PARVG: variants seen among roughly 807,000 people sequenced by gnomAD.
The protein encoded by PARVG is gamma-parvin.
PARVG carries 36 observed loss-of-function variants against 44.4 expected under a neutral mutation model. The observed-to-expected ratio is 0.81, with a 90% CI of 0.62 to 1.07. The LOEUF (loss-of-function observed/expected upper bound fraction) is 1.07. Ranked by LOEUF, PARVG falls within the 50% of genes least tolerant of loss-of-function variation. The pLI is 0.00. For missense variants in PARVG, 407 were observed against 407.4 expected (o/e 1.00, Z 0.01); for synonymous variants, 170 against 174.1 (o/e 0.98, Z 0.19).
chr22:44,183,628 A>G, intron 3 of PARVG: 1 of 511,412 alleles, frequency 2.0e-6, no homozygotes, highest in Non-Finnish European at 3.4e-6. Context: ...GACGGTGTGG[A>G]TTACGATGGT....
At chr22:44,177,469 G>C (rs1172655779), upstream of PARVG, among the ~76,000 whole-genome samples, 2 of 152,192 alleles carry the variant, frequency 1.3e-5, 1 homozygote, top group East Asian at 3.8e-4. Flanking sequence ...ACAAGGCATT[G>C]AATGAGTTGT....
intron 13 of PARVG, 35 bp downstream of exon 13, chr22:44,205,864 C>A: frequency 1.2e-6 from 2 of 1,605,108 alleles, no homozygotes; most frequent in East Asian, 2.2e-5. Context: ...CGGTGGCCAG[C>A]CCTGGGTGGC....
chr22:44,204,004 C>A (rs2054745819), intron 12 of PARVG, among the ~76,000 whole-genome samples: 1 of 152,210 alleles, frequency 6.6e-6, no homozygotes, highest in South Asian at 2.1e-4. Context: ...GCCACCACAC[C>A]CAGCTAATTT....
chr22:44,199,873 CT>C (rs902674091), intron 12 of PARVG, among the ~76,000 whole-genome samples: 16 of 152,134 alleles, frequency 1.1e-4, no homozygotes, highest in African/African-American at 3.9e-4. Flanking sequence ...GGGGCCTGAC[CT>C]GGGGGGATCA....
chr22:44,197,804 C>T (rs538049323), intron 11 of PARVG, among the ~76,000 whole-genome samples: 5 of 152,198 alleles, frequency 3.3e-5, no homozygotes, highest in Admixed American at 6.5e-5. Context: ...GGCACGCTGC[C>T]GGCATGAAAT....
In PARVG at chr22:44,204,433, C is replaced by A. The variant is rs915518128; in HGVS notation, c.814-1324C>A. On this transcript the variant is annotated intron_variant, in intron 12 of 13. Transcript: ENST00000444313. Reference sequence around the variant, plus strand: ...GTGACACAGATGAGGCACCTGAGGCCCAGCCAGGATGTGTGACTTGTCCGA... The same window carrying A: ...GTGACACAGATGAGGCACCTGAGGCACAGCCAGGATGTGTGACTTGTCCGA... Among the ~76,000 whole-genome samples, 3 of 152,344 alleles carry A rather than the reference C, an allele frequency of 2.0e-5. No individual in the cohort carries two copies. The Middle Eastern group carries it at 0.01, about 518-fold the overall frequency.
rs770217718 is a variant in PARVG at position 44,190,664 on chromosome 22, G to A, written c.502G>A (p.Glu168Lys). 1.2e-6 allele frequency: 2 copies of A among 1,608,370 alleles called. No homozygotes were observed. The highest frequency in any genetic ancestry group is 1.7e-5 in the Admixed American group (1 of 60,022). The change falls in exon 7 of 14, where the codon GAG becomes AAG. Residue 168 changes from glutamate (E) to lysine (K), a missense_variant and splice_region_variant. Coordinates refer to ENST00000444313, the MANE Select transcript of PARVG (RefSeq NM_022141.7). ...TNVQVEVITIESTKSGLKSEK... is the reference protein window; with the variant it reads ...TNVQVEVITIKSTKSGLKSEK... ...CGTCCAGGTGGAGGTCATCACTATC[G>A]AGGTAGCAGCCTGGGCCCCAGGGAT...
At chr22:44,191,528 G>T (rs1274029615) in intron 7 of PARVG, among the ~76,000 whole-genome samples, 1 of 148,282 alleles carries the variant, frequency 6.7e-6, no homozygotes, top group Non-Finnish European at 1.5e-5. Context: ...CTCCCAAGTA[G>T]CTGGGACTAC....
At chr22:44,180,582 G>A (rs931845520), upstream of PARVG, among the ~76,000 whole-genome samples, 162 of 152,290 alleles carry the variant, frequency 1.1e-3, no homozygotes, top group African/African-American at 3.7e-3. Flanking sequence ...ACTTCAGAAT[G>A]GCAGGGACTG....
At chr22:44,200,008 G>A (rs2054684495) in intron 12 of PARVG, among the ~76,000 whole-genome samples, 1 of 152,128 alleles carries the variant, frequency 6.6e-6, no homozygotes, top group African/African-American at 2.4e-5. Flanking sequence ...GGTGGGGTGA[G>A]AGGGCAGGTG....
intron 8 of PARVG, among the ~76,000 whole-genome samples, chr22:44,193,410 G>C (rs1052408252): frequency 3.9e-5 from 6 of 152,152 alleles, no homozygotes; most frequent in African/African-American, 1.4e-4. Context: ...GAGAACACGG[G>C]GGGTGCTGGG....
chr22:44,177,875 A>G (rs7284197), upstream of PARVG, among the ~76,000 whole-genome samples: 15,786 of 152,178 alleles, frequency 0.1, 1,629 homozygotes, highest in African/African-American at 0.25. Flanking sequence ...TAAAAAATAT[A>G]TATTACTTAG....
Position 44,198,667 on chromosome 22 carries a change from G to C in PARVG, c.758G>C (p.Gly253Ala). 6.2e-7 allele frequency: 1 copy of C among 1,613,922 alleles called. No individual in the cohort carries two copies. Among genetic ancestry groups the C allele is most frequent in the Non-Finnish European group, 8.5e-7 (1 of 1,179,862 alleles). The change falls in exon 12 of 14, where the codon GGC (glycine) becomes GCC (alanine). Residue 253 changes from glycine to alanine, a missense_variant. Coordinates refer to ENST00000444313, the MANE Select transcript of PARVG (RefSeq NM_022141.7). ...ILLLLIGQLEGFFLHLKEFYL... is the reference protein window; with the variant it reads ...ILLLLIGQLEAFFLHLKEFYL... ...CTCTTGCTGATTGGACAACTTGAAG[G>C]CTTCTTCCTGCACTTAAAGGAATTC...
intron 12 of PARVG, among the ~76,000 whole-genome samples, chr22:44,199,065 C>A (rs1288724402): frequency 3.3e-5 from 5 of 150,866 alleles, no homozygotes; most frequent in Non-Finnish European, 7.4e-5. Context: ...TGTTCACCTA[C>A]CAAGCCACCC....
chr22:44,180,088 G>C (rs998810750), upstream of PARVG, among the ~76,000 whole-genome samples: 1 of 152,172 alleles, frequency 6.6e-6, no homozygotes, highest in Admixed American at 6.5e-5. Flanking sequence ...CTGGCAGGAG[G>C]GAGGAGAGTG....
chr22:44,205,445 T>C (rs1180552749), intron 12 of PARVG, among the ~76,000 whole-genome samples: 1 of 152,244 alleles, frequency 6.6e-6, no homozygotes, highest in Non-Finnish European at 1.5e-5. Context: ...GGTATCCTCC[T>C]TGGCGATTGC....
chr22:44,185,883 C>T lies in PARVG; in HGVS notation c.144+11C>T. On this transcript the variant is annotated intron_variant, in intron 4 of 13. Transcript: ENST00000444313. ...GAAGAACTGCAGAAGGTACAGCAGC[C>T]TCCACAGCCCTGACTTCCCTGGGTG... The T allele has an allele frequency of 6.2e-7, 1 of 1,611,478 alleles. No individual in the cohort carries two copies. The highest frequency in any genetic ancestry group is 8.5e-7 in the Non-Finnish European group (1 of 1,177,978).
chr22:44,206,105 A>T (rs2054777130), intron 13 of PARVG, among the ~76,000 whole-genome samples: 1 of 152,136 alleles, frequency 6.6e-6, no homozygotes, highest in South Asian at 2.1e-4. Context: ...GGGGCACCAC[A>T]GGAGCATTCA....
At chr22:44,176,956 A>G (rs933930171), upstream of PARVG, among the ~76,000 whole-genome samples, 1 of 152,130 alleles carries the variant, frequency 6.6e-6, no homozygotes, top group Admixed American at 6.5e-5. Context: ...CTTATTCACC[A>G]TCATGAGAAC....
Sources: gnomAD v4.1 joint callset for allele counts (sites outside exome capture counted in the v4.1 genomes callset) on GRCh38, gnomAD v4.1.1 for gene constraint, MANE v1.5 for transcripts, NCBI Gene and HGNC (gene_info 2026-07-23, HGNC 2026-07-21) for gene names.